The following TACC1 variants were observed in gnomAD, a reference collection of about 807,000 sequenced individuals.
TACC1 encodes the protein transforming acidic coiled-coil containing protein 1.
Under a neutral mutation model 84.4 loss-of-function variants are expected in TACC1, and 48 were observed. The ratio of observed to expected loss-of-function variants is 0.57; its 90% CI spans 0.45 to 0.72. The LOEUF is 0.72. TACC1 is among the 30% of genes least tolerant of loss of function. The pLI, the probability that TACC1 is intolerant of heterozygous loss-of-function variation, is 0.00. For missense variants in TACC1, 920 were observed against 973.0 expected (o/e 0.95, Z 0.72); for synonymous variants, 372 against 376.3 (o/e 0.99, Z 0.13).
At chr8:38,733,241 A>T (rs1805313172) in intron 1 of TACC1, among the ~76,000 whole-genome samples, 1 of 149,436 alleles carries the variant, frequency 6.7e-6, no homozygotes, top group African/African-American at 2.5e-5. Flanking sequence ...CCAGCTGTGG[A>T]CTCCCACCAA....
At chr8:38,765,042 T>A (rs1476058342) in intron 3 of TACC1, among the ~76,000 whole-genome samples, 1 of 148,824 alleles carries the variant, frequency 6.7e-6, no homozygotes, top group Non-Finnish European at 1.5e-5. Context: ...GAGGTTGCAG[T>A]AAGCCGAGAT....
At chr8:38,794,545 C>T (rs920185087) in intron 2 of TACC1, among the ~76,000 whole-genome samples, 9 of 138,530 alleles carry the variant, frequency 6.5e-5, no homozygotes, top group Non-Finnish European at 1.1e-4. Flanking sequence ...TTAGACTGCA[C>T]GTGTGTGTGT....
rs757952428 is a variant in TACC1 at position 38,820,382 on chromosome 8, A to C, written c.1138A>C (p.Thr380Pro). The change falls in exon 3 of 13, where the codon ACA (threonine) becomes CCA (proline). Residue 380 changes from threonine to proline, a missense_variant. Coordinates refer to ENST00000317827, the MANE Select transcript of TACC1 (RefSeq NM_006283.3). The part of the protein sequence containing the change: ...PVARDGPLSQ[T>P]SSKPDPSQWE... ...GGCACGAGACGGGCCTCTCTCCCAA[A>C]CATCTTCCAAGCCAGATCCTAGTCA... The C allele has an allele frequency of 1.2e-6, 2 of 1,613,908 alleles. No homozygotes were observed. Among genetic ancestry groups the C allele is most frequent in the African/African-American group, 1.3e-5 (1 of 74,860 alleles).
rs1826575214 is a variant in TACC1 at position 38,820,650 on chromosome 8, G to A, written c.1391+15G>A. 6.3e-7 allele frequency: 1 copy of A among 1,593,294 alleles called. No individual in the cohort carries two copies. Among genetic ancestry groups the A allele is most frequent in the African/African-American group, 1.3e-5 (1 of 74,814 alleles). ...CGTTTAATAACGTGAGTGACAGTGG[G>A]CGCTGGGTGTCGTGCTCTGTGTCTT... On this transcript the variant is annotated intron_variant, in intron 3 of 12. Transcript: ENST00000317827.
chr8:38,782,008 C>A (rs1435491352), intron 3 of TACC1, among the ~76,000 whole-genome samples: 1 of 138,502 alleles, frequency 7.2e-6, no homozygotes, highest in Non-Finnish European at 1.6e-5. Flanking sequence ...TTTTTTTTTG[C>A]AGATTTCTTT....
chr8:38,838,673 T>C, intron 8 of TACC1, 127 bp downstream of exon 8: 1 of 707,346 alleles, frequency 1.4e-6, no homozygotes, highest in South Asian at 1.8e-5. Context: ...CTTTGCTGTT[T>C]GCACCTTGCT....
At position 38,820,227 on chromosome 8, in the gene TACC1, C is replaced by T. The variant is rs138791022; in HGVS notation, c.983C>T (p.Thr328Ile). ...CTTGAGTTTGATTTCACAGAAGATA[C>T]AGGAAACATAGAGGCCAGGAAAGCC... ...LKLEFDFTED[T>I]GNIEARKALP... The change falls in exon 3 of 13, where the codon ACA becomes ATA. Residue 328 changes from threonine to isoleucine, a missense_variant. Thr to Ile is a moderately conservative substitution (Grantham distance 89). This residue lies in a region of TACC1 where 762 missense variants were observed against 747.3 expected (regional missense o/e 1.02). Coordinates refer to ENST00000317827, the MANE Select transcript of TACC1 (RefSeq NM_006283.3). 4.8e-5 allele frequency: 77 copies of T among 1,614,082 alleles called. 1 individual carries two copies. In the African/African-American group the frequency reaches 9.5e-4, roughly 20 times the overall value.
intron 3 of TACC1, among the ~76,000 whole-genome samples, chr8:38,773,830 T>G (rs1814218890): frequency 6.6e-6 from 1 of 152,158 alleles, no homozygotes; most frequent in South Asian, 2.1e-4. Flanking sequence ...ATGTAAAAAG[T>G]ACTTTGAAAA....
At chr8:38,737,580 C>A (rs1476640011) in intron 1 of TACC1, among the ~76,000 whole-genome samples, 3 of 152,042 alleles carry the variant, frequency 2.0e-5, no homozygotes, top group African/African-American at 7.2e-5. Context: ...TGGTCCCTGG[C>A]TGGAGAACAC....
intron 3 of TACC1, among the ~76,000 whole-genome samples, chr8:38,756,860 A>G (rs1587315747): frequency 6.6e-6 from 1 of 151,544 alleles, no homozygotes; most frequent in Admixed American, 6.6e-5. Context: ...CCCGTCACAC[A>G]CCGCCCCCTC....
intron 2 of TACC1, among the ~76,000 whole-genome samples, chr8:38,790,161 T>C (rs1339986424): frequency 6.6e-6 from 1 of 152,194 alleles, no homozygotes; most frequent in East Asian, 1.9e-4. Flanking sequence ...CTTTGTGTTC[T>C]TTGGCTTGTG....
At chr8:38,845,419 A>G (rs1832042181) in intron 11 of TACC1, among the ~76,000 whole-genome samples, 1 of 152,160 alleles carries the variant, frequency 6.6e-6, no homozygotes, top group South Asian at 2.1e-4. Flanking sequence ...ATATCCCTCT[A>G]GTCGTTTCTT....
intron 3 of TACC1, among the ~76,000 whole-genome samples, chr8:38,822,313 C>T (rs978049128): frequency 7.0e-6 from 1 of 143,714 alleles, no homozygotes; most frequent in Non-Finnish European, 1.5e-5. Context: ...TGTATCTAAA[C>T]ATATCTAAGC....
At chr8:38,730,362 C>G (rs746624283) in intron 1 of TACC1, among the ~76,000 whole-genome samples, 16 of 152,258 alleles carry the variant, frequency 1.1e-4, no homozygotes, top group Non-Finnish European at 1.9e-4. Context: ...CTCGGCCTCT[C>G]TCTCCAAGTC....
chr8:38,787,331 C>T lies in TACC1; in HGVS notation c.-252C>T. On this transcript the variant is annotated 5_prime_UTR_variant, in exon 1 of 13. Coordinates refer to ENST00000317827, the MANE Select transcript of TACC1 (RefSeq NM_006283.3). ...GGCCACAGGACGGGCGTCTTCCCGG[C>T]TAGTGGAGCCCGGCGCGGGGCCCGC... The T allele has an allele frequency of 7.8e-7, 1 of 1,279,046 alleles. No individual in the cohort carries two copies. 79.2% of individuals were successfully genotyped at this position (1,279,046 alleles called of 1,614,324 possible).
intron 6 of TACC1, among the ~76,000 whole-genome samples, chr8:38,835,475 G>A (rs1240542170): frequency 2.0e-5 from 3 of 152,180 alleles, no homozygotes; most frequent in African/African-American, 7.2e-5. Flanking sequence ...TTAGTAGCAA[G>A]GAAGAACCAA....
At chr8:38,761,452 A>C (rs189917596) in intron 3 of TACC1, among the ~76,000 whole-genome samples, 1 of 152,224 alleles carries the variant, frequency 6.6e-6, no homozygotes, top group South Asian at 2.1e-4. Flanking sequence ...TGATTTTGCC[A>C]TGTGAATTTC....
At chr8:38,736,644 C>A (rs1226917438) in intron 1 of TACC1, among the ~76,000 whole-genome samples, 1 of 152,074 alleles carries the variant, frequency 6.6e-6, no homozygotes, top group East Asian at 1.9e-4. Context: ...TAATGATAAC[C>A]TTTACAGGTT....
chr8:38,788,033 C>T (rs975528698), intron 1 of TACC1: 8 of 441,572 alleles, frequency 1.8e-5, no homozygotes, highest in African/African-American at 1.0e-4. Context: ...CGACCCCCAG[C>T]CCCCGCCCCT....
Sources: allele counts gnomAD v4.1 joint callset (sites outside exome capture counted in the v4.1 genomes callset), GRCh38; gene constraint gnomAD v4.1.1; regional missense constraint gnomAD v4.1.1; transcripts MANE v1.5; gene names NCBI Gene and HGNC (gene_info 2026-07-23, HGNC 2026-07-21).